The following LST1 variants were observed in gnomAD, a reference collection of about 807,000 sequenced individuals.
LST1 encodes the protein leukocyte specific transcript 1, also known as leukocyte-specific transcript 1 protein.
LST1 carries 9 observed loss-of-function variants against 8.5 expected under a neutral mutation model. That is an observed-to-expected ratio of 1.06 (90% CI 0.64 to 1.85). The LOEUF (loss-of-function observed/expected upper bound fraction) is 1.85. LST1 is among the 40% of genes most tolerant of loss of function. The probability of loss-of-function intolerance (pLI) is 0.00; values close to 1 mark genes in which losing one functional copy is unlikely to be tolerated. For synonymous variants in LST1, 53 were observed against 50.4 expected, an observed-to-expected ratio of 1.05 and a Z score of -0.21; for missense variants, 121 against 117.1, an observed-to-expected ratio of 1.03 and a Z score of -0.16.
intron 2 of LST1, 126 bp downstream of exon 2, chr6:31,587,444 G>A: frequency 1.7e-6 from 2 of 1,180,868 alleles, no homozygotes; most frequent in South Asian, 1.2e-5. Context: ...GTACAGGAGG[G>A]AAAGGGACCT....
Position 31,587,263 on chromosome 6 carries a change from T to A in LST1, c.-37T>A. 1 of 1,466,694 alleles carries A rather than the reference T, an allele frequency of 6.8e-7. No individual in the cohort carries two copies. The highest frequency in any genetic ancestry group is 1.4e-5 in the African/African-American group (1 of 72,172). 90.9% of individuals were successfully genotyped at this position (1,466,694 alleles called of 1,614,324 possible). A position where few individuals can be genotyped will look rare whatever the true frequency, so the allele number is the denominator to read the frequency against. On this transcript the variant is annotated 5_prime_UTR_variant, in exon 2 of 5. Transcript: ENST00000438075. ...TCGCCTAAAAGAGCAAGGACTAGAGTTCCTGACCTCCAGGCCAGTCCCTGA... is the reference window on the plus strand; with the variant it reads ...TCGCCTAAAAGAGCAAGGACTAGAGATCCTGACCTCCAGGCCAGTCCCTGA...
intron 4 of LST1, 113 bp from the exon 5 acceptor site, chr6:31,588,403 GGA>G (rs71663687): frequency 6.2e-3 from 3,051 of 492,914 alleles, no homozygotes; most frequent in Non-Finnish European, 8.4e-3. Context: ...AGAGAGAGAG[GGA>G]GAGAGAGAGA....
In LST1 at chr6:31,588,893, G is replaced by A; in HGVS notation, c.*217G>A. 2.3e-6 allele frequency: 2 copies of A among 886,158 alleles called. No individual in the cohort carries two copies. Among genetic ancestry groups the A allele is most frequent in the Non-Finnish European group, 3.4e-6 (2 of 587,510 alleles). The allele number at this position is 886,158 out of a possible 1,614,324, so 54.9% of individuals were successfully genotyped here. ...AAAATTAAAATAAAAAAAACACATG[G>A]CTCACCCTTCCACCCACTCTGGGGT... On this transcript the variant is annotated 3_prime_UTR_variant, in exon 5 of 5. Transcript: ENST00000438075.
In LST1 at chr6:31,588,906, C is replaced by T; in HGVS notation, c.*230C>T. Reference sequence around the variant, plus strand: ...AAAAAACACATGGCTCACCCTTCCACCCACTCTGGGGTCAAATAGTAATTT... The same window carrying T: ...AAAAAACACATGGCTCACCCTTCCATCCACTCTGGGGTCAAATAGTAATTT... On this transcript the variant is annotated 3_prime_UTR_variant, in exon 5 of 5. Coordinates refer to ENST00000438075, the MANE Select transcript of LST1 (RefSeq NM_205839.3). 1.1e-6 allele frequency: 1 copy of T among 927,526 alleles called. No individual in the cohort carries two copies. The highest frequency in any genetic ancestry group is 1.6e-6 in the Non-Finnish European group (1 of 625,332). The allele number at this position is 927,526 out of a possible 1,614,324, so 57.5% of individuals were successfully genotyped here.
rs768899963 is a variant in LST1 at position 31,587,728 on chromosome 6, G to T, written c.107G>T (p.Arg36Leu). Residue 36 changes from arginine to leucine, a missense_variant, in exon 3 of 5, where the codon CGA becomes CTA. By Grantham distance (102) the Arg-to-Leu change is moderately radical. Transcript: ENST00000438075. ...TCCGCCTGCCTGTGTTGGCTGCATCGAAGAGGTGAGCGCTGCACTCCCTCC... is the reference window on the plus strand; with the variant it reads ...TCCGCCTGCCTGTGTTGGCTGCATCTAAGAGGTGAGCGCTGCACTCCCTCC... Reference protein sequence around the residue: ...LLSACLCWLHRRVKRLERSWA... With the variant: ...LLSACLCWLHLRVKRLERSWA... The T allele has an allele frequency of 6.3e-7, 1 of 1,595,718 alleles. No homozygotes were observed. Among genetic ancestry groups the T allele is most frequent in the Non-Finnish European group, 8.5e-7 (1 of 1,171,732 alleles).
Position 31,588,722 on chromosome 6 carries a change from C to G in LST1, c.*46C>G. On this transcript the variant is annotated 3_prime_UTR_variant, in exon 5 of 5. Coordinates refer to ENST00000438075, the MANE Select transcript of LST1 (RefSeq NM_205839.3). ...AACCCAGGCGGGTGGACAGGGTCCC[C>G]CTGTGGTCCAGCCAGTAAAAACCAT... 1.2e-6 allele frequency: 2 copies of G among 1,606,576 alleles called. No homozygotes were observed. The highest frequency in any genetic ancestry group is 2.2e-5 in the South Asian group (2 of 90,950).
At chr6:31,587,800 C>A in intron 3 of LST1, 67 bp downstream of exon 3, 1 of 1,457,094 alleles carries the variant, frequency 6.9e-7, no homozygotes, top group Non-Finnish European at 9.3e-7. Flanking sequence ...CACACGCTTT[C>A]CCACTGCTTT....
chr6:31,587,818 C>T, intron 3 of LST1, 85 bp downstream of exon 3: 1 of 1,512,856 alleles, frequency 6.6e-7, no homozygotes, highest in Non-Finnish European at 9.0e-7. Context: ...TTTCCCAGAA[C>T]ACTGCCTGGC....
At position 31,588,526 on chromosome 6, in the gene LST1, C is replaced by G; in HGVS notation, c.144C>G (p.Gly48=). 6.2e-7 allele frequency: 1 copy of G among 1,604,576 alleles called. No homozygotes were observed. The change falls in exon 5 of 5, where the codon GGC becomes GGG. Residue 48 remains glycine, a synonymous_variant. Coordinates refer to ENST00000438075, the MANE Select transcript of LST1 (RefSeq NM_205839.3). The stretch of plus-strand genomic sequence containing the variant: ...TTCTGTCCTGGTCCCAGGCCCAGGG[C>G]TCCTCAGAGCAGGAACTCCACTATG... The part of the protein sequence containing the change: ...VKRLERSWAQ[G]SSEQELHYAS...
rs1177518902 is a variant in LST1, at chr6:31,587,684, T to A, written c.63T>A (p.Leu21=). 1 of 1,602,518 alleles carries A rather than the reference T, an allele frequency of 6.2e-7. No individual in the cohort carries two copies. The highest frequency in any genetic ancestry group is 1.1e-5 in the South Asian group (1 of 89,306). The stretch of plus-strand genomic sequence containing the variant: ...GCCTGGGGCTGGGCGGGCTCCTGCT[T>A]CTGGCAGTGGTCCTTCTGTCCGCCT... ...YGGLGLGGLL[L]LAVVLLSACL... Residue 21 remains leucine (L), a synonymous_variant, in exon 3 of 5, where the codon CTT becomes CTA. Coordinates refer to ENST00000438075, the MANE Select transcript of LST1 (RefSeq NM_205839.3).
chr6:31,587,874 G>C (rs878941079), intron 3 of LST1, 70 bp from the exon 4 acceptor site: 15 of 1,570,656 alleles, frequency 9.6e-6, no homozygotes, highest in Middle Eastern at 1.7e-4. Flanking sequence ...GCCTGCTGGT[G>C]GGGGGAGCCC....
In LST1 at chr6:31,588,750, T is replaced by G; in HGVS notation, c.*74T>G. The G allele has an allele frequency of 1.1e-4, 166 of 1,450,406 alleles. No homozygotes were observed. Among genetic ancestry groups the G allele is most frequent in the Non-Finnish European group, 1.4e-4 (147 of 1,032,040 alleles). The allele number at this position is 1,450,406 out of a possible 1,614,324, so 89.8% of individuals were successfully genotyped here. ...GTGGTCCAGCCAGTAAAAACCATGGTCCCCCCACTTCTGTGTCTCAGTCCT... is the reference window on the plus strand; with the variant it reads ...GTGGTCCAGCCAGTAAAAACCATGGGCCCCCCACTTCTGTGTCTCAGTCCT... On this transcript the variant is annotated 3_prime_UTR_variant, in exon 5 of 5. Transcript: ENST00000438075.
At chr6:31,586,937 G>C (rs9469027) in intron 1 of LST1, 9,713 of 338,990 alleles carry the variant, frequency 0.029, 283 homozygotes, top group South Asian at 0.086. Context: ...TCCAAACCAC[G>C]TGGTCAGCCC....
At chr6:31,587,817 A>T in intron 3 of LST1, 84 bp downstream of exon 3, 1 of 1,516,338 alleles carries the variant, frequency 6.6e-7, no homozygotes, top group Non-Finnish European at 9.0e-7. Context: ...CTTTCCCAGA[A>T]CACTGCCTGG....
chr6:31,588,158 G>A, intron 4 of LST1, 192 bp downstream of exon 4: 1 of 592,892 alleles, frequency 1.7e-6, no homozygotes. Flanking sequence ...GAGAAAAAGT[G>A]AGACAGAGGA....
rs1772009309 is a variant in LST1, at chr6:31,587,177, A to G, written c.-100-23A>G. The stretch of plus-strand genomic sequence containing the variant: ...GCTCCCCAGCCTGGGAACGATTATA[A>G]CAGAGGGCCCCTCACTTCACAGATG... On this transcript the variant is annotated intron_variant, in intron 1 of 4. Transcript: ENST00000438075. The G allele has an allele frequency of 8.2e-6, 6 of 731,320 alleles. No individual in the cohort carries two copies. The Admixed American group carries it at 1.2e-4, about 15-fold the overall frequency. 45.3% of individuals were successfully genotyped at this position (731,320 alleles called of 1,614,324 possible).
rs371625674 is a variant in LST1 at position 31,587,337 on chromosome 6, G to A, written c.19+19G>A. On this transcript the variant is annotated intron_variant, in intron 2 of 4. Transcript: ENST00000438075. ...AATGATGGTAAGTAAAGTGTCTCTT[G>A]CATCTGCATAGAGAGAGTCCTGGGA... 3 of 1,613,090 alleles carry A rather than the reference G, an allele frequency of 1.9e-6. No individual in the cohort carries two copies. The highest frequency in any genetic ancestry group is 2.5e-6 in the Non-Finnish European group (3 of 1,179,078).
chr6:31,587,790 C>A, intron 3 of LST1, 57 bp downstream of exon 3: 3 of 1,497,950 alleles, frequency 2.0e-6, no homozygotes, highest in Non-Finnish European at 2.7e-6. Context: ...CCCCCACCCC[C>A]ACACGCTTTC....
intron 4 of LST1, 65 bp from the exon 5 acceptor site, chr6:31,588,453 G>A (rs1055654334): frequency 4.6e-6 from 7 of 1,522,174 alleles, no homozygotes; most frequent in African/African-American, 4.1e-5. Flanking sequence ...GGAGGTGGGA[G>A]CAGAACTCAC....
Sources: allele counts gnomAD v4.1 joint callset, GRCh38; gene constraint gnomAD v4.1.1; transcripts MANE v1.5; gene names NCBI Gene and HGNC (gene_info 2026-07-23, HGNC 2026-07-21).